The following PCDHGC3 variants were observed in gnomAD, a reference collection of about 807,000 sequenced individuals.
PCDHGC3 encodes protocadherin gamma-C3.
Under a neutral mutation model 59.2 loss-of-function variants are expected in PCDHGC3, and 26 were observed. The ratio of observed to expected loss-of-function variants is 0.44; its 90% CI spans 0.32 to 0.61. The LOEUF (loss-of-function observed/expected upper bound fraction) is 0.61. PCDHGC3 is among the 20% of genes least tolerant of loss of function. The probability of loss-of-function intolerance (pLI) is 0.05; values close to 1 mark genes in which losing one functional copy is unlikely to be tolerated. For synonymous variants in PCDHGC3, 487 were observed against 519.7 expected, an observed-to-expected ratio of 0.94 and a Z score of 0.86; for missense variants, 1,080 against 1,221.8, an observed-to-expected ratio of 0.88 and a Z score of 1.73.
At chr5:141,505,559 G>A (rs1215110084) in intron 3 of PCDHGC3, 78 bp downstream of exon 3, 27 of 1,604,592 alleles carry the variant, frequency 1.7e-5, no homozygotes, top group Non-Finnish European at 2.0e-5. Flanking sequence ...CCATGCCCAC[G>A]GACTGGATGT....
At chr5:141,497,461 A>G (rs541848982) in intron 2 of PCDHGC3, among the ~76,000 whole-genome samples, 2 of 151,526 alleles carry the variant, frequency 1.3e-5, no homozygotes, top group Admixed American at 1.3e-4. Context: ...GCTCTTGGAG[A>G]TATGGAGGAG....
In PCDHGC3 at chr5:141,491,511, C is replaced by G. The variant is rs777448782; in HGVS notation, c.2431-3296C>G. 6.2e-7 allele frequency: 1 copy of G among 1,614,080 alleles called. No individual in the cohort carries two copies. The highest frequency in any genetic ancestry group is 8.5e-7 in the Non-Finnish European group (1 of 1,180,018). ...TGCAGGTGAGCTCGGACGGCACGCT[C>G]AAGTACATGGAGGTGACGCTGCGGC... On this transcript the variant is annotated intron_variant, in intron 1 of 3. Transcript: ENST00000308177. This position sits in a 1 kb window ranked among gnomAD's most constrained non-coding sequence, Gnocchi z 6.9.
chr5:141,510,791 A>C (rs1244085822), intron 3 of PCDHGC3, 156 bp from the exon 4 acceptor site: 1 of 929,250 alleles, frequency 1.1e-6, no homozygotes, highest in Non-Finnish European at 1.3e-6. Context: ...AACTCTTGTG[A>C]AGAGAGACTA....
chr5:141,481,261 C>T lies in PCDHGC3; in HGVS notation c.2430+2715C>T, dbSNP rs2099534823. ...TACATAGCATAGCTCTAAAAGATCA[C>T]TGTAGGAAGACATAAAATGGTATTT... On this transcript the variant is annotated intron_variant, in intron 1 of 3. Coordinates refer to ENST00000308177, the MANE Select transcript of PCDHGC3 (RefSeq NM_002588.4). Among the ~76,000 whole-genome samples, 3 of 152,252 alleles carry T rather than the reference C, an allele frequency of 2.0e-5. No individual in the cohort carries two copies. The East Asian group carries it at 5.8e-4, about 29-fold the overall frequency.
Position 141,490,400 on chromosome 5 carries a change from T to A in PCDHGC3, c.2431-4407T>A. On this transcript the variant is annotated intron_variant, in intron 1 of 3. Coordinates refer to ENST00000308177, the MANE Select transcript of PCDHGC3 (RefSeq NM_002588.4). This position sits in a 1 kb window ranked among gnomAD's most constrained non-coding sequence, Gnocchi z 5.4. ...TCAGGTAGAAATGGTGAAGTGAGCC[T>A]TGATATCTCTCCGGACCTGCCATTT... The A allele has an allele frequency of 6.2e-7, 1 of 1,614,202 alleles. No homozygotes were observed. Among genetic ancestry groups the A allele is most frequent in the Non-Finnish European group, 8.5e-7 (1 of 1,180,032 alleles).
At chr5:141,507,680 A>C (rs73794928) in intron 3 of PCDHGC3, among the ~76,000 whole-genome samples, 2,806 of 152,362 alleles carry the variant, frequency 0.018, 91 homozygotes, top group African/African-American at 0.063. Flanking sequence ...GATGTTAAAA[A>C]CAGAAATGAA....
In PCDHGC3 at chr5:141,486,247, C is replaced by T. The variant is rs935513223; in HGVS notation, c.2430+7701C>T. The T allele has an allele frequency of 2.5e-6, 4 of 1,614,014 alleles. No homozygotes were observed. The African/African-American group carries it at 5.3e-5, about 22-fold the overall frequency. On this transcript the variant is annotated intron_variant, in intron 1 of 3. Transcript: ENST00000308177. This position sits in a 1 kb window ranked among gnomAD's most constrained non-coding sequence, Gnocchi z 5.0. Reference sequence around the variant, plus strand: ...TCACAGTGACCTCAGAGCTTGGAACCCTCCCCGAGAGTGCAGAACCTGGCA... The same window carrying T: ...TCACAGTGACCTCAGAGCTTGGAACTCTCCCCGAGAGTGCAGAACCTGGCA...
In PCDHGC3 at chr5:141,477,406, A is replaced by G. The variant is rs1004061582; in HGVS notation, c.1290A>G (p.Arg430=). The G allele has an allele frequency of 6.2e-7, 1 of 1,614,154 alleles. No individual in the cohort carries two copies. Among genetic ancestry groups the G allele is most frequent in the Non-Finnish European group, 8.5e-7 (1 of 1,180,040 alleles). The stretch of plus-strand genomic sequence containing the variant: ...AATACAACCTCAGCATCACCGCCCG[A>G]GACGCCGGAACCCCTTCCCTCTCAG... ...VPEYNLSITA[R]DAGTPSLSAL... Residue 430 remains arginine, a synonymous_variant, in exon 1 of 4, where the codon CGA becomes CGG. Transcript: ENST00000308177. The surrounding 1 kb of genome is among the most constrained non-coding windows in gnomAD (Gnocchi z 4.9).
intron 1 of PCDHGC3, among the ~76,000 whole-genome samples, chr5:141,492,854 G>A (rs1361942466): frequency 6.6e-6 from 1 of 152,212 alleles, no homozygotes; most frequent in Non-Finnish European, 1.5e-5. Flanking sequence ...AAAGCCTCGA[G>A]CGCCCTGGCT....
Position 141,477,203 on chromosome 5 carries a change from G to T in PCDHGC3, c.1087G>T (p.Glu363Ter). Residue 363 changes from glutamate (E) to a stop codon, truncating the protein, a stop_gained, in exon 1 of 4, where the codon GAG (glutamate) becomes TAG (stop). Coordinates refer to ENST00000308177, the MANE Select transcript of PCDHGC3 (RefSeq NM_002588.4). LOFTEE classifies it high-confidence loss of function. The surrounding 1 kb of genome is among the most constrained non-coding windows in gnomAD (Gnocchi z 4.9). The part of the protein sequence containing the change: ...TVTSVYSPVP[E>*]DAPLGTVIAL... ...CACCTCCGTGTACAGCCCAGTACCC[G>T]AGGATGCCCCTCTGGGGACTGTCAT... 1 of 1,614,176 alleles carries T rather than the reference G, an allele frequency of 6.2e-7. No individual in the cohort carries two copies. The highest frequency in any genetic ancestry group is 1.1e-5 in the South Asian group (1 of 91,082).
Position 141,487,870 on chromosome 5 carries a change from C to A in PCDHGC3, c.2431-6937C>A. On this transcript the variant is annotated intron_variant, in intron 1 of 3. Transcript: ENST00000308177. This position sits in a 1 kb window ranked among gnomAD's most constrained non-coding sequence, Gnocchi z 5.0. ...AATGAAAGTAATTGGTGATCAAGAGCCAGGCTGTTGTGGAAGCATGATGAT... is the reference window on the plus strand; with the variant it reads ...AATGAAAGTAATTGGTGATCAAGAGACAGGCTGTTGTGGAAGCATGATGAT... 3.5e-6 allele frequency: 3 copies of A among 865,052 alleles called. No individual in the cohort carries two copies. The highest frequency in any genetic ancestry group is 5.3e-6 in the Non-Finnish European group (3 of 568,628). The allele number at this position is 865,052 out of a possible 1,614,324, so 53.6% of individuals were successfully genotyped here.
At chr5:141,484,047 TC>T (rs1351554084) in intron 1 of PCDHGC3, among the ~76,000 whole-genome samples, 1 of 151,912 alleles carries the variant, frequency 6.6e-6, no homozygotes, top group African/African-American at 2.4e-5. Context: ...CTCCAAGAGG[TC>T]CCCTGGGGCT....
At chr5:141,502,660 A>T (rs1423714257) in intron 2 of PCDHGC3, among the ~76,000 whole-genome samples, 2 of 152,208 alleles carry the variant, frequency 1.3e-5, no homozygotes, top group African/African-American at 4.8e-5. Flanking sequence ...GCAACCCTTC[A>T]TGCAATTTTA....
At chr5:141,484,392 T>G (rs1454201773) in intron 1 of PCDHGC3, among the ~76,000 whole-genome samples, 1 of 152,162 alleles carries the variant, frequency 6.6e-6, no homozygotes, top group African/African-American at 2.4e-5. Flanking sequence ...TAAGAAAGGT[T>G]TGGTTTCCGC....
intron 2 of PCDHGC3, 102 bp from the exon 3 acceptor site, chr5:141,505,291 G>A (rs2154593677): frequency 1.3e-6 from 2 of 1,565,092 alleles, no homozygotes; most frequent in Non-Finnish European, 1.7e-6. Context: ...TGGGCATGGG[G>A]TAGGGTTAGG....
At chr5:141,503,396 A>G (rs1025780031) in intron 2 of PCDHGC3, among the ~76,000 whole-genome samples, 2 of 151,944 alleles carry the variant, frequency 1.3e-5, no homozygotes, top group African/African-American at 2.4e-5. Flanking sequence ...GGAGTTCGAA[A>G]CCAACCTGGC....
chr5:141,505,434 A>C lies in PCDHGC3; in HGVS notation c.2531A>C (p.Gln844Pro), dbSNP rs1417754900. 1 of 1,614,198 alleles carries C rather than the reference A, an allele frequency of 6.2e-7. No homozygotes were observed. The highest frequency in any genetic ancestry group is 1.7e-5 in the Admixed American group (1 of 60,032). The change falls in exon 3 of 4, where the codon CAG (glutamine) becomes CCG (proline). Residue 844 changes from glutamine (Q) to proline (P), a missense_variant. Gln to Pro is a moderately conservative substitution (Grantham distance 76). Coordinates refer to ENST00000308177, the MANE Select transcript of PCDHGC3 (RefSeq NM_002588.4). ...GACACCGGCACCTGGCCCAACAACCAGTTTGACACAGAGATGCTGCAAGCC... is the reference window on the plus strand; with the variant it reads ...GACACCGGCACCTGGCCCAACAACCCGTTTGACACAGAGATGCTGCAAGCC... ...GDDTGTWPNN[Q>P]FDTEMLQAMI...
intron 2 of PCDHGC3, among the ~76,000 whole-genome samples, chr5:141,503,598 C>CAA (rs765754054): frequency 1.5e-4 from 10 of 65,698 alleles, no homozygotes; most frequent in African/African-American, 2.3e-4. Context: ...GACTCCAGCT[C>CAA]AAAAAAAAAA....
At chr5:141,502,134 C>T (rs566073996) in intron 2 of PCDHGC3, among the ~76,000 whole-genome samples, 10 of 152,288 alleles carry the variant, frequency 6.6e-5, no homozygotes, top group African/African-American at 2.2e-4. Flanking sequence ...AGAGCTCAGT[C>T]GGGCCGGAAG....
Sources: gnomAD v4.1 joint callset for allele counts (sites outside exome capture counted in the v4.1 genomes callset) on GRCh38, gnomAD v4.1.1 for gene constraint, Gnocchi (gnomAD v3.1) non-coding constraint, MANE v1.5 for transcripts, NCBI Gene and HGNC (gene_info 2026-07-23, HGNC 2026-07-21) for gene names.